The following RBFOX1 variants were observed in gnomAD, a reference collection of about 807,000 sequenced individuals.
The protein encoded by RBFOX1 is RNA binding fox-1 homolog 1.
A neutral mutation model predicts 57.7 loss-of-function variants in RBFOX1; 8 were observed. The ratio of observed to expected loss-of-function variants is 0.14; its 90% CI spans 0.08 to 0.25. The LOEUF (loss-of-function observed/expected upper bound fraction) is 0.25. Ranked by LOEUF, RBFOX1 falls within the 10% of genes least tolerant of loss-of-function variation. RBFOX1 has a pLI of 1.00. For missense variants in RBFOX1, 611 were observed against 548.5 expected, an observed-to-expected ratio of 1.11 and a Z score of -1.14; for synonymous variants, 326 against 222.4, an observed-to-expected ratio of 1.47 and a Z score of -4.15.
chr16:7,113,960 A>T (rs907513800), intron 4 of RBFOX1, among the ~76,000 whole-genome samples: 8 of 152,170 alleles, frequency 5.3e-5, no homozygotes, highest in Admixed American at 3.3e-4. Context: ...TTTAAAAAAA[A>T]TCACTTGTGC....
intron 4 of RBFOX1, among the ~76,000 whole-genome samples, chr16:7,414,667 G>C (rs565600616): frequency 1.3e-5 from 2 of 152,002 alleles, no homozygotes; most frequent in Non-Finnish European, 2.9e-5. Flanking sequence ...ACCCAGGCTG[G>C]AGTGTGGTGA....
rs1283668434 is a variant in RBFOX1, at chr16:6,802,093, A to C, written c.-16+147443A>C. 1.3e-5 allele frequency among the ~76,000 whole-genome samples: 2 copies of C among 151,992 alleles called. 1 individual carries two copies. The highest frequency in any genetic ancestry group is 4.8e-5 in the African/African-American group (2 of 41,380). On this transcript the variant is annotated intron_variant, in intron 3 of 15. Coordinates refer to ENST00000550418, the MANE Select transcript of RBFOX1 (RefSeq NM_018723.4). The stretch of plus-strand genomic sequence containing the variant: ...ATCCCAGTAAAACTTGTTTAATCCT[A>C]AACAAGTCCTGTTAAGAAATCCTTC...
intron 3 of RBFOX1, among the ~76,000 whole-genome samples, chr16:5,767,250 TG>T (rs2053815492): frequency 6.6e-6 from 1 of 152,224 alleles, no homozygotes; most frequent in African/African-American, 2.4e-5. Context: ...TCTTTTGGCC[TG>T]TGTTATTTTC....
chr16:6,357,597 C>G (rs1384319613), intron 2 of RBFOX1, among the ~76,000 whole-genome samples: 1 of 151,818 alleles, frequency 6.6e-6, no homozygotes, highest in South Asian at 2.1e-4. Context: ...CTCGCTCCCT[C>G]TTGCTCCCGC....
intron 4 of RBFOX1, among the ~76,000 whole-genome samples, chr16:6,011,794 C>T (rs1472261953): frequency 1.3e-5 from 2 of 152,270 alleles, no homozygotes; most frequent in African/African-American, 2.4e-5. Context: ...CTTGCGCTTA[C>T]TCTCCAAGTT....
At chr16:6,411,829 A>G (rs2093466374) in intron 2 of RBFOX1, among the ~76,000 whole-genome samples, 1 of 152,182 alleles carries the variant, frequency 6.6e-6, no homozygotes, top group South Asian at 2.1e-4. Flanking sequence ...TTTTCTCAAT[A>G]AAACAATCAA....
chr16:7,349,982 A>T (rs1226275708), intron 4 of RBFOX1, among the ~76,000 whole-genome samples: 4 of 152,132 alleles, frequency 2.6e-5, no homozygotes, highest in Admixed American at 2.6e-4. Context: ...CCTCATTTCT[A>T]CTGAAACATA....
intron 3 of RBFOX1, among the ~76,000 whole-genome samples, chr16:5,748,998 G>C (rs1000062193): frequency 1.1e-4 from 17 of 152,198 alleles, no homozygotes; most frequent in Middle Eastern, 3.2e-3. Flanking sequence ...TGTTTTTGCA[G>C]TGGCTGGTAT....
At chr16:6,897,019 G>C (rs1216209352) in intron 3 of RBFOX1, among the ~76,000 whole-genome samples, 1 of 152,176 alleles carries the variant, frequency 6.6e-6, no homozygotes, top group African/African-American at 2.4e-5. Context: ...CACCTGTGCA[G>C]AGCTCCCTGT....
In RBFOX1 at chr16:6,107,810, T is replaced by A. The variant is rs187793867; in HGVS notation, c.-127+87818T>A. Among the ~76,000 whole-genome samples, 627 of 152,242 alleles carry A rather than the reference T, an allele frequency of 4.1e-3. 5 individuals carry two copies. The highest frequency in any genetic ancestry group is 0.014 in the African/African-American group (599 of 41,520). ...GTGGATGAATAGCAATTTCTAGATC[T>A]TACTGTCTATACCTTACTTTGAGCA... On this transcript the variant is annotated intron_variant, in intron 1 of 15. Coordinates refer to ENST00000550418, the MANE Select transcript of RBFOX1 (RefSeq NM_018723.4).
At chr16:7,233,635 G>A (rs896316731) in intron 4 of RBFOX1, among the ~76,000 whole-genome samples, 6 of 152,206 alleles carry the variant, frequency 3.9e-5, no homozygotes, top group Non-Finnish European at 7.3e-5. Flanking sequence ...ACATCCGATT[G>A]TTTCCCTGGA....
At chr16:7,297,451 C>T (rs1371971317) in intron 4 of RBFOX1, among the ~76,000 whole-genome samples, 1 of 151,982 alleles carries the variant, frequency 6.6e-6, no homozygotes, top group African/African-American at 2.4e-5. Context: ...TGACATTGTC[C>T]CTAAGAAGTT....
chr16:7,127,556 A>G (rs1290336077), intron 4 of RBFOX1, among the ~76,000 whole-genome samples: 1 of 152,154 alleles, frequency 6.6e-6, no homozygotes, highest in Non-Finnish European at 1.5e-5. Context: ...TGTATGCACG[A>G]GCGTGCATGT....
chr16:7,170,990 C>T (rs2080579873), intron 4 of RBFOX1, among the ~76,000 whole-genome samples: 1 of 152,166 alleles, frequency 6.6e-6, no homozygotes, highest in East Asian at 1.9e-4. Flanking sequence ...ACACACTCTC[C>T]CGTCTTGCTC....
chr16:6,917,869 C>T lies in RBFOX1; in HGVS notation c.-15-134188C>T, dbSNP rs368396970. ...CTTTGTCAGAAATCCTGGAAAAATA[C>T]CAAGAAACTGACACAAGTCGAAAGA... On this transcript the variant is annotated intron_variant, in intron 3 of 15. Coordinates refer to ENST00000550418, the MANE Select transcript of RBFOX1 (RefSeq NM_018723.4). Among the ~76,000 whole-genome samples, 58 of 152,216 alleles carry T rather than the reference C, an allele frequency of 3.8e-4. No homozygotes were observed. In the East Asian group the frequency reaches 9.1e-3, roughly 24 times the overall value.
At chr16:5,672,508 C>T (rs930289733) in intron 3 of RBFOX1, among the ~76,000 whole-genome samples, 1 of 152,192 alleles carries the variant, frequency 6.6e-6, no homozygotes, top group African/African-American at 2.4e-5. Context: ...CACACCCCTC[C>T]AGACCCTAGC....
rs148897396 is a variant in RBFOX1, at chr16:6,959,898, T to C, written c.-15-92159T>C. On this transcript the variant is annotated intron_variant, in intron 3 of 15. Transcript: ENST00000550418. ...ATGTAGTGAGCTGAGATTGTGCCAT[T>C]GCACTCTAGCCTGGGCGACAAGAGC... Among the ~76,000 whole-genome samples the C allele has an allele frequency of 4.0e-3, 610 of 152,292 alleles. 7 individuals are homozygous for C. The highest frequency in any genetic ancestry group is 0.01 in the Middle Eastern group (3 of 294).
intron 2 of RBFOX1, among the ~76,000 whole-genome samples, chr16:6,577,887 C>G: frequency 6.6e-6 from 1 of 152,238 alleles, no homozygotes; most frequent in Non-Finnish European, 1.5e-5. Context: ...ATTAAACAAA[C>G]GAGGCAATCA....
chr16:7,502,545 A>C (rs2071310223), intron 4 of RBFOX1, among the ~76,000 whole-genome samples: 1 of 151,978 alleles, frequency 6.6e-6, no homozygotes, highest in Non-Finnish European at 1.5e-5. Flanking sequence ...GAAATAGAAG[A>C]TATGTTGATT....
Sources: allele counts gnomAD v4.1 joint callset (sites outside exome capture counted in the v4.1 genomes callset), GRCh38; gene constraint gnomAD v4.1.1; transcripts MANE v1.5; gene names NCBI Gene and HGNC (gene_info 2026-07-23, HGNC 2026-07-21).